The following CDYL2 variants were observed in gnomAD, a reference collection of about 807,000 sequenced individuals.
CDYL2 encodes chromodomain Y like 2, also known as chromodomain Y-like protein 2.
A neutral mutation model predicts 49.4 loss-of-function variants in CDYL2; 23 were observed. That is an observed-to-expected ratio of 0.47 (90% CI 0.34 to 0.66). The LOEUF (loss-of-function observed/expected upper bound fraction) is 0.66, where lower values mean the gene tolerates loss of function less well. Ranked by LOEUF, CDYL2 falls within the 30% of genes least tolerant of loss-of-function variation. The pLI, the probability that CDYL2 is intolerant of heterozygous loss-of-function variation, is 0.01. For missense variants in CDYL2, 678 were observed against 656.4 expected, an observed-to-expected ratio of 1.03 and a Z score of -0.36; for synonymous variants, 360 against 268.8, an observed-to-expected ratio of 1.34 and a Z score of -3.32.
intron 2 of CDYL2, among the ~76,000 whole-genome samples, chr16:80,647,795 TA>T (rs1908416902): frequency 6.6e-6 from 1 of 152,128 alleles, no homozygotes; most frequent in South Asian, 2.1e-4. Context: ...AAACAAGTCT[TA>T]AAACATTAAT....
chr16:80,719,471 C>G (rs1305416764), intron 1 of CDYL2, among the ~76,000 whole-genome samples: 1 of 152,194 alleles, frequency 6.6e-6, no homozygotes, highest in African/African-American at 2.4e-5. Flanking sequence ...TTTTCTACAT[C>G]ATCATGGAGG....
At position 80,604,204 on chromosome 16, in the gene CDYL2, T is replaced by C; in HGVS notation, c.*184A>G. The C allele has an allele frequency of 1.5e-6, 1 of 656,178 alleles. No homozygotes were observed. The highest frequency in any genetic ancestry group is 2.8e-5 in the Admixed American group (1 of 35,186). 40.6% of individuals were successfully genotyped at this position (656,178 alleles called of 1,614,324 possible). A position where few individuals can be genotyped will look rare whatever the true frequency, so the allele number is the denominator to read the frequency against. ...GGGAGGTGGGGGAGGCCAAGTATGCTGCGTTTTCCATCCATTACACAAAAT... is the reference window on the plus strand; with the variant it reads ...GGGAGGTGGGGGAGGCCAAGTATGCCGCGTTTTCCATCCATTACACAAAAT... On this transcript the variant is annotated 3_prime_UTR_variant, in exon 7 of 7. Coordinates refer to ENST00000570137, the MANE Select transcript of CDYL2 (RefSeq NM_152342.4).
intron 1 of CDYL2, among the ~76,000 whole-genome samples, chr16:80,749,560 G>C (rs978480036): frequency 1.3e-5 from 2 of 151,956 alleles, no homozygotes; most frequent in Non-Finnish European, 2.9e-5. Flanking sequence ...AAAAAAAATT[G>C]CTAAAAGATA....
At chr16:80,684,390 C>T (rs1910090635) in intron 2 of CDYL2, 148 bp downstream of exon 2, 3 of 746,976 alleles carry the variant, frequency 4.0e-6, no homozygotes, top group East Asian at 2.7e-5. Flanking sequence ...GTCCACAAAG[C>T]TCTAGGTGAG....
At chr16:80,682,647 G>A (rs1009260758) in intron 2 of CDYL2, among the ~76,000 whole-genome samples, 2 of 152,198 alleles carry the variant, frequency 1.3e-5, no homozygotes, top group East Asian at 1.9e-4. Flanking sequence ...AGGGCAGGGA[G>A]CTGCTAACAG....
intron 2 of CDYL2, among the ~76,000 whole-genome samples, chr16:80,669,522 G>C (rs767686379): frequency 6.6e-6 from 1 of 152,092 alleles, no homozygotes; most frequent in Non-Finnish European, 1.5e-5. Context: ...GGGCAGCAGG[G>C]AACAGACAGG....
chr16:80,626,475 G>C (rs76763796), intron 3 of CDYL2, among the ~76,000 whole-genome samples: 2 of 152,064 alleles, frequency 1.3e-5, no homozygotes, highest in East Asian at 3.8e-4. Context: ...GGTTATATTC[G>C]GAAGTGGTGG....
In CDYL2 at chr16:80,757,027, T is replaced by C. The variant is rs187736346; in HGVS notation, c.24+47123A>G. ...AATAATGACATTCCCATTAAAACCA[T>C]GGGTAAGACTCCCATCACAATTAAT... On this transcript the variant is annotated intron_variant, in intron 1 of 6. Coordinates refer to ENST00000570137, the MANE Select transcript of CDYL2 (RefSeq NM_152342.4). 4.1e-4 allele frequency among the ~76,000 whole-genome samples: 63 copies of C among 152,232 alleles called. No homozygotes were observed. The Middle Eastern group carries it at 0.01, about 25-fold the overall frequency.
At chr16:80,633,877 C>G (rs74028365) in intron 2 of CDYL2, among the ~76,000 whole-genome samples, 8,949 of 152,176 alleles carry the variant, frequency 0.059, 812 homozygotes, top group African/African-American at 0.2. Context: ...AAAGTGCCCT[C>G]CTGAAAAGGT....
intron 2 of CDYL2, among the ~76,000 whole-genome samples, chr16:80,683,898 G>A (rs759615056): frequency 6.6e-6 from 1 of 152,210 alleles, no homozygotes; most frequent in Non-Finnish European, 1.5e-5. Context: ...TGAGAAATTA[G>A]ATTTCCATTT....
intron 3 of CDYL2, chr16:80,628,464 A>G (rs1242074527): frequency 6.6e-6 from 1 of 152,258 alleles, no homozygotes; most frequent in Non-Finnish European, 1.5e-5. Flanking sequence ...TGCATCCAAC[A>G]ACCACGTGGG....
At chr16:80,713,709 C>T (rs1904699583) in intron 1 of CDYL2, among the ~76,000 whole-genome samples, 2 of 152,098 alleles carry the variant, frequency 1.3e-5, no homozygotes, top group African/African-American at 2.4e-5. Context: ...ACTGGGTGTA[C>T]ATTTGAGACT....
intron 1 of CDYL2, among the ~76,000 whole-genome samples, chr16:80,739,863 C>G (rs112660002): frequency 6.6e-6 from 1 of 152,146 alleles, no homozygotes; most frequent in South Asian, 2.1e-4. Flanking sequence ...CAATTACAGC[C>G]CAATTACCTG....
At chr16:80,752,942 A>C (rs905234655) in intron 1 of CDYL2, among the ~76,000 whole-genome samples, 1 of 152,224 alleles carries the variant, frequency 6.6e-6, no homozygotes, top group Non-Finnish European at 1.5e-5. Flanking sequence ...AAATGCAAGA[A>C]AGGATGAGGG....
chr16:80,627,100 A>C (rs1310129696), intron 3 of CDYL2, among the ~76,000 whole-genome samples: 2 of 152,140 alleles, frequency 1.3e-5, no homozygotes, highest in African/African-American at 4.8e-5. Context: ...TGAATTGAGA[A>C]TCTCCAGCCC....
intron 1 of CDYL2, among the ~76,000 whole-genome samples, chr16:80,694,490 TA>T (rs34414169): frequency 0.56 from 84,958 of 151,560 alleles, 24,554 homozygotes; most frequent in Middle Eastern, 0.71. Context: ...CTCACTGGCT[TA>T]AAAAAAAAGC....
chr16:80,763,550 T>G (rs1011720627), intron 1 of CDYL2, among the ~76,000 whole-genome samples: 2 of 151,982 alleles, frequency 1.3e-5, no homozygotes, highest in African/African-American at 4.8e-5. Flanking sequence ...AGGCAGAGGT[T>G]GCCGTGAACC....
intron 1 of CDYL2, among the ~76,000 whole-genome samples, chr16:80,702,040 C>G (rs1271980102): frequency 6.6e-6 from 1 of 152,060 alleles, no homozygotes; most frequent in Non-Finnish European, 1.5e-5. Context: ...TGCCAAATAG[C>G]AGAATTATTG....
chr16:80,707,273 G>T (rs779775750), intron 1 of CDYL2, among the ~76,000 whole-genome samples: 1 of 152,200 alleles, frequency 6.6e-6, no homozygotes, highest in Non-Finnish European at 1.5e-5. Context: ...GACCAGCCTG[G>T]TCAACACAGC....
Sources: gnomAD v4.1 joint callset for allele counts (sites outside exome capture counted in the v4.1 genomes callset) on GRCh38, gnomAD v4.1.1 for gene constraint, MANE v1.5 for transcripts, NCBI Gene and HGNC (gene_info 2026-07-23, HGNC 2026-07-21) for gene names.